LUZP2: variants seen among roughly 807,000 people sequenced by gnomAD.
LUZP2 encodes leucine zipper protein 2.
Under a neutral mutation model 51.6 loss-of-function variants are expected in LUZP2, and 52 were observed. The observed-to-expected ratio is 1.01, with a 90% confidence interval of 0.81 to 1.27. The LOEUF (loss-of-function observed/expected upper bound fraction) is 1.27. Ranked by LOEUF, LUZP2 falls within the 50% of genes most tolerant of loss-of-function variation. LUZP2 has a pLI of 0.00. For synonymous variants in LUZP2, 154 were observed against 137.3 expected, an observed-to-expected ratio of 1.12 and a Z score of -0.85; for missense variants, 436 against 395.4, an observed-to-expected ratio of 1.10 and a Z score of -0.87.
chr11:24,842,220 ATTAG>A (rs1259676754), intron 5 of LUZP2, among the ~76,000 whole-genome samples: 1 of 149,106 alleles, frequency 6.7e-6, no homozygotes, highest in Non-Finnish European at 1.5e-5. Context: ...TATTTATATT[ATTAG>A]TTCATAATTT....
rs568905553 is a variant in LUZP2 at position 25,058,806 on chromosome 11, T to C, written c.858+8676T>C. Among the ~76,000 whole-genome samples the C allele has an allele frequency of 2.1e-4, 32 of 152,352 alleles. No individual in the cohort carries two copies. In the South Asian group the frequency reaches 6.2e-3, roughly 30 times the overall value. ...ATTTGGAGTCATTGTCTTGATTTAA[T>C]GTTACATTCTCAATCTTTTGACTTC... On this transcript the variant is annotated intron_variant, in intron 10 of 11. Coordinates refer to ENST00000336930, the MANE Select transcript of LUZP2 (RefSeq NM_001009909.4).
chr11:24,923,792 C>T (rs959153709), intron 7 of LUZP2, among the ~76,000 whole-genome samples: 3 of 152,066 alleles, frequency 2.0e-5, no homozygotes, highest in Non-Finnish European at 4.4e-5. Context: ...GAAAGTCACC[C>T]TGACAATGTA....
chr11:24,625,558 G>A (rs1158301121), intron 1 of LUZP2, among the ~76,000 whole-genome samples: 1 of 151,978 alleles, frequency 6.6e-6, no homozygotes, highest in African/African-American at 2.4e-5. Context: ...CAATAAAGCT[G>A]AAAAATAAAT....
intron 9 of LUZP2, among the ~76,000 whole-genome samples, chr11:25,037,897 C>A (rs897561060): frequency 6.6e-6 from 1 of 151,806 alleles, no homozygotes; most frequent in Non-Finnish European, 1.5e-5. Flanking sequence ...AAGATTTTTT[C>A]TTTTGCCTCC....
At position 24,544,226 on chromosome 11, in the gene LUZP2, G is replaced by A. The variant is rs140548659; in HGVS notation, c.62+46921G>A. Among the ~76,000 whole-genome samples, 560 of 152,136 alleles carry A rather than the reference G, an allele frequency of 3.7e-3. 2 individuals are homozygous for A. Among genetic ancestry groups the A allele is most frequent in the Admixed American group, 8.2e-3 (125 of 15,260 alleles). ...ATCTTCAGTAATTGCCTGTCCGGAGGTCCAGTTTGCGTCATCCTGATTTCA... is the reference window on the plus strand; with the variant it reads ...ATCTTCAGTAATTGCCTGTCCGGAGATCCAGTTTGCGTCATCCTGATTTCA... On this transcript the variant is annotated intron_variant, in intron 1 of 11. Transcript: ENST00000336930.
chr11:24,969,893 G>C (rs768402353), intron 7 of LUZP2, among the ~76,000 whole-genome samples: 1 of 151,926 alleles, frequency 6.6e-6, no homozygotes, highest in African/African-American at 2.4e-5. Context: ...TCTGAGTTTT[G>C]GTGGGAACAC....
At chr11:25,022,926 G>T (rs999533078) in intron 9 of LUZP2, among the ~76,000 whole-genome samples, 1 of 152,130 alleles carries the variant, frequency 6.6e-6, no homozygotes, top group South Asian at 2.1e-4. Context: ...TTTGTCTTTG[G>T]TTCTGTTTAT....
intron 10 of LUZP2, among the ~76,000 whole-genome samples, chr11:25,062,699 C>T (rs1431983439): frequency 6.7e-6 from 1 of 149,326 alleles, no homozygotes; most frequent in African/African-American, 2.5e-5. Flanking sequence ...TGTGCTATGA[C>T]ATTTGACAAT....
At chr11:24,586,750 T>C (rs957626652) in intron 1 of LUZP2, among the ~76,000 whole-genome samples, 7 of 152,056 alleles carry the variant, frequency 4.6e-5, no homozygotes, top group Non-Finnish European at 8.8e-5. Flanking sequence ...TTACAGACAA[T>C]AATTAATCCT....
At chr11:24,498,953 A>G (rs905367861) in intron 1 of LUZP2, among the ~76,000 whole-genome samples, 7 of 152,234 alleles carry the variant, frequency 4.6e-5, no homozygotes, top group African/African-American at 1.7e-4. Context: ...ATTAAATTGA[A>G]TGAAAAAGCT....
At chr11:24,620,608 G>C (rs1257323630) in intron 1 of LUZP2, among the ~76,000 whole-genome samples, 1 of 152,190 alleles carries the variant, frequency 6.6e-6, no homozygotes, top group Non-Finnish European at 1.5e-5. Flanking sequence ...AATCCTAAAT[G>C]TCAAAGTCAC....
At chr11:24,942,482 T>G (rs921832118) in intron 7 of LUZP2, among the ~76,000 whole-genome samples, 1 of 152,174 alleles carries the variant, frequency 6.6e-6, no homozygotes, top group African/African-American at 2.4e-5. Flanking sequence ...ATGTGCCTAG[T>G]TTTCATTTGT....
intron 1 of LUZP2, among the ~76,000 whole-genome samples, chr11:24,728,352 T>C (rs1422245449): frequency 6.6e-6 from 1 of 151,876 alleles, no homozygotes; most frequent in South Asian, 2.1e-4. Context: ...AGATACAGTA[T>C]ACTATTAATT....
chr11:24,501,188 T>C (rs932279909), intron 1 of LUZP2, among the ~76,000 whole-genome samples: 1 of 152,182 alleles, frequency 6.6e-6, no homozygotes, highest in Non-Finnish European at 1.5e-5. Flanking sequence ...GAGATAGAGG[T>C]ATGGCTTTCT....
At chr11:24,938,039 C>A (rs560777371) in intron 7 of LUZP2, among the ~76,000 whole-genome samples, 2 of 152,146 alleles carry the variant, frequency 1.3e-5, no homozygotes, top group African/African-American at 4.8e-5. Context: ...ACCTTTGAAG[C>A]CAGGGGAGAA....
At chr11:24,623,102 C>A (rs975116642) in intron 1 of LUZP2, among the ~76,000 whole-genome samples, 1 of 152,050 alleles carries the variant, frequency 6.6e-6, no homozygotes, top group East Asian at 1.9e-4. Flanking sequence ...AAAGGACACA[C>A]ACACACATAC....
intron 7 of LUZP2, among the ~76,000 whole-genome samples, chr11:24,962,266 C>T (rs1424186634): frequency 1.3e-5 from 2 of 151,382 alleles, no homozygotes; most frequent in African/African-American, 4.8e-5. Context: ...GCAACTCCTA[C>T]TTCTTTGTGG....
chr11:24,573,863 A>T (rs543143626), intron 1 of LUZP2, among the ~76,000 whole-genome samples: 3,270 of 151,104 alleles, frequency 0.022, 108 homozygotes, highest in African/African-American at 0.076. Context: ...TTCTTGTTTT[A>T]TTTTTTTTAT....
chr11:24,776,705 C>T (rs1848935937), intron 5 of LUZP2, among the ~76,000 whole-genome samples: 1 of 152,124 alleles, frequency 6.6e-6, no homozygotes, highest in African/African-American at 2.4e-5. Flanking sequence ...AGGATCTTCA[C>T]TCTTCATCTT....
Sources: gnomAD v4.1 joint callset for allele counts (sites outside exome capture counted in the v4.1 genomes callset) on GRCh38, gnomAD v4.1.1 for gene constraint, MANE v1.5 for transcripts, NCBI Gene and HGNC (gene_info 2026-07-23, HGNC 2026-07-21) for gene names.